Variants in SLC22A6 observed in about 807,000 individuals in gnomAD.
The protein encoded by SLC22A6 is solute carrier family 22 member 6.
Under a neutral mutation model 56.7 loss-of-function variants are expected in SLC22A6, and 45 were observed. The observed-to-expected ratio is 0.79, with a 90% CI of 0.63 to 1.02. The LOEUF (loss-of-function observed/expected upper bound fraction) is 1.02. SLC22A6 is among the 50% of genes least tolerant of loss of function. SLC22A6 has a pLI of 0.00. For synonymous variants in SLC22A6, 291 were observed against 295.9 expected, an observed-to-expected ratio of 0.98 and a Z score of 0.17; for missense variants, 606 against 713.8, an observed-to-expected ratio of 0.85 and a Z score of 1.72.
chr11:62,983,917 A>T lies in SLC22A6; in HGVS notation c.473+27T>A. 1 of 1,479,146 alleles carries T rather than the reference A, an allele frequency of 6.8e-7. No homozygotes were observed. The highest frequency in any genetic ancestry group is 1.2e-5 in the South Asian group (1 of 86,718). The allele number at this position is 1,479,146 out of a possible 1,614,324, so 91.6% of individuals were successfully genotyped here. A position where few individuals can be genotyped will look rare whatever the true frequency, so the allele number is the denominator to read the frequency against. ...TGAGCCCCTAATCCCAGCCCAGCCC[A>T]GCCCCTTGACCCTACCCAGGACTGA... is the stretch of plus-strand genomic sequence containing the variant. On this transcript the variant is annotated intron_variant, in intron 2 of 9. Coordinates refer to ENST00000360421, the MANE Select transcript of SLC22A6 (RefSeq NM_153276.3). This position sits in a 1 kb window ranked among gnomAD's most constrained non-coding sequence, Gnocchi z 4.5.
intron 5 of SLC22A6, 27 bp downstream of exon 5, chr11:62,981,233 A>T: frequency 6.2e-7 from 1 of 1,609,480 alleles, no homozygotes; most frequent in Admixed American, 1.7e-5. Flanking sequence ...CTGGGAGGTT[A>T]TCATGGGAAG....
At chr11:62,978,569 C>G (rs552427485) in intron 8 of SLC22A6, among the ~76,000 whole-genome samples, 1 of 140,342 alleles carries the variant, frequency 7.1e-6, no homozygotes, top group South Asian at 2.3e-4. Context: ...CCAGGATGGT[C>G]TTGCAGGATG....
rs1475589422 is a variant in SLC22A6, at chr11:62,983,658, G to A, written c.507C>T (p.Tyr169=). Residue 169 remains tyrosine, a synonymous_variant, in exon 3 of 10, where the codon TAC becomes TAT. Transcript: ENST00000360421. This position sits in a 1 kb window ranked among gnomAD's most constrained non-coding sequence, Gnocchi z 4.5. ...LGRRKVLILN[Y]LQTAVSGTCA... ...AGGTCCCTGACACAGCTGTCTGCAGGTAGTTCAAGATGAGTACCTTCCGGC... is the reference window on the plus strand; with the variant it reads ...AGGTCCCTGACACAGCTGTCTGCAGATAGTTCAAGATGAGTACCTTCCGGC... The A allele has an allele frequency of 9.3e-6, 15 of 1,612,868 alleles. No individual in the cohort carries two copies. Among genetic ancestry groups the A allele is most frequent in the Middle Eastern group, 1.7e-4 (1 of 6,036 alleles).
At chr11:62,980,646 C>G (rs2086242225) in intron 6 of SLC22A6, among the ~76,000 whole-genome samples, 1 of 152,206 alleles carries the variant, frequency 6.6e-6, no homozygotes, top group South Asian at 2.1e-4. Flanking sequence ...CACCATCAGG[C>G]CAGTAAAATC....
chr11:62,979,711 C>T (rs759825104), intron 7 of SLC22A6, 23 bp downstream of exon 7: 2 of 1,611,638 alleles, frequency 1.2e-6, no homozygotes, highest in Middle Eastern at 1.6e-4. Flanking sequence ...GGAGAAGGGG[C>T]CAAGGTGCTC....
intron 6 of SLC22A6, among the ~76,000 whole-genome samples, chr11:62,980,699 G>A (rs1590675640): frequency 6.6e-6 from 1 of 152,200 alleles, no homozygotes; most frequent in Non-Finnish European, 1.5e-5. Flanking sequence ...CCTTCATGAT[G>A]TAAGTCTATT....
intron 8 of SLC22A6, among the ~76,000 whole-genome samples, chr11:62,977,932 G>A (rs1171286573): frequency 1.3e-5 from 2 of 152,200 alleles, no homozygotes; most frequent in Non-Finnish European, 2.9e-5. Context: ...GAGAGAAGAG[G>A]TTAAAAACAT....
At chr11:62,979,415 G>C (rs566917982) in intron 8 of SLC22A6, 73 bp downstream of exon 8, 2 of 1,053,810 alleles carry the variant, frequency 1.9e-6, no homozygotes, top group South Asian at 2.6e-5. Flanking sequence ...TTAGCTCTGG[G>C]GTCTGACCTG....
Position 62,983,477 on chromosome 11 carries a change from C to A in SLC22A6, c.628+60G>T. 1 of 1,529,790 alleles carries A rather than the reference C, an allele frequency of 6.5e-7. No individual in the cohort carries two copies. Among genetic ancestry groups the A allele is most frequent in the Non-Finnish European group, 8.8e-7 (1 of 1,132,942 alleles). 94.8% of individuals were successfully genotyped at this position (1,529,790 alleles called of 1,614,324 possible). A position where few individuals can be genotyped will look rare whatever the true frequency, so the allele number is the denominator to read the frequency against. On this transcript the variant is annotated intron_variant, in intron 3 of 9. Transcript: ENST00000360421. This position sits in a 1 kb window ranked among gnomAD's most constrained non-coding sequence, Gnocchi z 4.5. ...AGGAGGGGCAGGCTGGGAGGGGAGG[C>A]TGGAAAGGGGTTGCTGGGCTGGGTG...
intron 7 of SLC22A6, 51 bp from the exon 8 acceptor site, chr11:62,979,647 G>A (rs186898592): frequency 4.4e-6 from 7 of 1,587,982 alleles, no homozygotes; most frequent in East Asian, 4.5e-5. Flanking sequence ...GAGGCTAGGA[G>A]GAATTGGCCC....
rs12276943 is a variant in SLC22A6 at position 62,977,471 on chromosome 11, C to T, written c.1362-84G>A. On this transcript the variant is annotated intron_variant, in intron 8 of 9. Transcript: ENST00000360421. ...TGGTCCCATTTGGAGGGTGGCAGCT[C>T]AGGCTCAGCCCCCAGGACACTCCCG... is the stretch of plus-strand genomic sequence containing the variant. 0.013 allele frequency: 19,547 copies of T among 1,466,016 alleles called. 2,156 individuals carry two copies. In the African/African-American group the frequency reaches 0.24, roughly 18 times the overall value. 90.8% of individuals were successfully genotyped at this position (1,466,016 alleles called of 1,614,324 possible). A position where few individuals can be genotyped will look rare whatever the true frequency, so the allele number is the denominator to read the frequency against.
At position 62,976,737 on chromosome 11, in the gene SLC22A6, C is replaced by T. The variant is rs181212822; in HGVS notation, c.*57G>A. On this transcript the variant is annotated 3_prime_UTR_variant, in exon 10 of 10. Coordinates refer to ENST00000360421, the MANE Select transcript of SLC22A6 (RefSeq NM_153276.3). Reference sequence around the variant, plus strand: ...TCTTCCTCCTCCTTGTGTGGGTGGCCGGAGACCTGTAGGACCTTCCCTCCC... The same window carrying T: ...TCTTCCTCCTCCTTGTGTGGGTGGCTGGAGACCTGTAGGACCTTCCCTCCC... 5.0e-4 allele frequency: 720 copies of T among 1,439,670 alleles called. 2 individuals carry two copies. In the African/African-American group the frequency reaches 8.1e-3, roughly 16 times the overall value. 89.2% of individuals were successfully genotyped at this position (1,439,670 alleles called of 1,614,324 possible). A position where few individuals can be genotyped will look rare whatever the true frequency, so the allele number is the denominator to read the frequency against.
Position 62,983,780 on chromosome 11 carries a change from G to T in SLC22A6, c.474-89C>A. The T allele has an allele frequency of 1.5e-6, 2 of 1,378,682 alleles. No individual in the cohort carries two copies. The highest frequency in any genetic ancestry group is 2.0e-6 in the Non-Finnish European group (2 of 1,012,024). The allele number at this position is 1,378,682 out of a possible 1,614,324, so 85.4% of individuals were successfully genotyped here. A position where few individuals can be genotyped will look rare whatever the true frequency, so the allele number is the denominator to read the frequency against. ...GAGAGGAGGGCTCACCCTGGATGAT[G>T]CCTGGGCTGGGGCCTTTTGAGGACC... On this transcript the variant is annotated intron_variant, in intron 2 of 9. Coordinates refer to ENST00000360421, the MANE Select transcript of SLC22A6 (RefSeq NM_153276.3). This position sits in a 1 kb window ranked among gnomAD's most constrained non-coding sequence, Gnocchi z 4.5.
chr11:62,984,884 G>A lies in SLC22A6; in HGVS notation c.-194C>T, dbSNP rs367588083. 6 of 602,504 alleles carry A rather than the reference G, an allele frequency of 1.0e-5. No homozygotes were observed. Among genetic ancestry groups the A allele is most frequent in the Admixed American group, 3.0e-5 (1 of 33,094 alleles). The allele number at this position is 602,504 out of a possible 1,614,324, so 37.3% of individuals were successfully genotyped here. A position where few individuals can be genotyped will look rare whatever the true frequency, so the allele number is the denominator to read the frequency against. ...CCTTGGCTGCTCCTCCTTCTTCCCC[G>A]GTCTCCCTGATCTGTCCCTCCCTTT... On this transcript the variant is annotated 5_prime_UTR_variant, in exon 1 of 10. Transcript: ENST00000360421.
At chr11:62,981,163 C>T in intron 5 of SLC22A6, 63 bp from the exon 6 acceptor site, 4 of 1,603,904 alleles carry the variant, frequency 2.5e-6, no homozygotes, top group Non-Finnish European at 8.5e-7. Context: ...CAGCCTAATC[C>T]CTTACTTAGA....
chr11:62,977,336 C>T lies in SLC22A6; in HGVS notation c.1413G>A (p.Val471=). 1.2e-6 allele frequency: 2 copies of T among 1,613,204 alleles called. No individual in the cohort carries two copies. Among genetic ancestry groups the T allele is most frequent in the South Asian group, 1.1e-5 (1 of 91,070 alleles). ...GSTMARVGSI[V]SPLVSMTAEL... The stretch of plus-strand genomic sequence containing the variant: ...CGGCAGTCATGCTCACCAGTGGGCT[C>T]ACGATGCTGCCCACTCGGGCCATGG... The change falls in exon 9 of 10, where the codon GTG becomes GTA. Residue 471 remains valine, a synonymous_variant. Transcript: ENST00000360421.
Position 62,981,392 on chromosome 11 carries a change from G to C in SLC22A6, c.798-9C>G. On this transcript the variant is annotated splice_polypyrimidine_tract_variant and intron_variant, in intron 4 of 9. Transcript: ENST00000360421. ...CCGACTCAATGAAGAACCTGGGAGC[G>C]GGGGTGGGGGTGGGTGTCAGCATGG... 1 of 1,495,146 alleles carries C rather than the reference G, an allele frequency of 6.7e-7. No individual in the cohort carries two copies. The highest frequency in any genetic ancestry group is 1.2e-5 in the South Asian group (1 of 82,134). 92.6% of individuals were successfully genotyped at this position (1,495,146 alleles called of 1,614,324 possible).
At position 62,983,653 on chromosome 11, in the gene SLC22A6, T is replaced by TGC; in HGVS notation, c.510_511dup (p.Gln171ArgfsTer38). 6.2e-7 allele frequency: 1 copy of TGC among 1,612,752 alleles called. No individual in the cohort carries two copies. Among genetic ancestry groups the TGC allele is most frequent in the Non-Finnish European group, 8.5e-7 (1 of 1,179,636 alleles). On this transcript the variant is annotated frameshift_variant, in exon 3 of 10. Coordinates refer to ENST00000360421, the MANE Select transcript of SLC22A6 (RefSeq NM_153276.3). LOFTEE classifies it high-confidence loss of function. This position sits in a 1 kb window ranked among gnomAD's most constrained non-coding sequence, Gnocchi z 4.5. Reference sequence around the variant, plus strand: ...TGCGCAGGTCCCTGACACAGCTGTCTGCAGGTAGTTCAAGATGAGTACCTT... The same window carrying TGC: ...TGCGCAGGTCCCTGACACAGCTGTCTGCGCAGGTAGTTCAAGATGAGTACCTT...
chr11:62,977,278 C>G lies in SLC22A6; in HGVS notation c.1471G>C (p.Gly491Arg). ...LYPSMPLFIY[G>R]AVPVAASAVT... ...GCGCTGGCGGCCACAGGAACAGCAC[C>G]GTAGATGAAGAGAGGCATGGAGGGG... Residue 491 changes from glycine to arginine, a missense_variant, in exon 9 of 10, where the codon GGT (glycine) becomes CGT (arginine). Gly to Arg is a moderately radical substitution (Grantham distance 125). Transcript: ENST00000360421. The G allele has an allele frequency of 1.9e-6, 3 of 1,614,094 alleles. No homozygotes were observed. Among genetic ancestry groups the G allele is most frequent in the Non-Finnish European group, 2.5e-6 (3 of 1,180,046 alleles).
Sources: gnomAD v4.1 joint callset for allele counts (sites outside exome capture counted in the v4.1 genomes callset) on GRCh38, gnomAD v4.1.1 for gene constraint, Gnocchi (gnomAD v3.1) non-coding constraint, MANE v1.5 for transcripts, NCBI Gene and HGNC (gene_info 2026-07-23, HGNC 2026-07-21) for gene names.